DOCK1: variants seen among roughly 807,000 people sequenced by gnomAD.
The protein encoded by DOCK1 is dedicator of cytokinesis protein 1.
In DOCK1, 138 loss-of-function variants were observed where a neutral mutation model predicts 262.7. The ratio of observed to expected loss-of-function variants is 0.53; its 90% confidence interval spans 0.46 to 0.61. DOCK1 has a LOEUF of 0.61. Ranked by LOEUF, DOCK1 falls within the 20% of genes least tolerant of loss-of-function variation. The probability of loss-of-function intolerance (pLI) is 0.00; values close to 1 mark genes in which losing one functional copy is unlikely to be tolerated. For synonymous variants in DOCK1, 866 were observed against 867.4 expected, an observed-to-expected ratio of 1.00 and a Z score of 0.03; for missense variants, 1,908 against 2,370.7, an observed-to-expected ratio of 0.80 and a Z score of 4.05.
chr10:127,408,530 G>A (rs867440870), intron 40 of DOCK1, among the ~76,000 whole-genome samples: 11 of 152,218 alleles, frequency 7.2e-5, no homozygotes, highest in South Asian at 4.1e-4. Context: ...GTCAGCGCCC[G>A]GCGGCCGTGT....
chr10:127,300,737 A>C (rs1386545698), intron 29 of DOCK1, among the ~76,000 whole-genome samples: 1 of 152,116 alleles, frequency 6.6e-6, no homozygotes, highest in Non-Finnish European at 1.5e-5. Flanking sequence ...TGGCCTCCCC[A>C]GCCGTTTTCT....
At chr10:127,342,328 C>T (rs1191152110) in intron 30 of DOCK1, among the ~76,000 whole-genome samples, 1 of 152,020 alleles carries the variant, frequency 6.6e-6, no homozygotes, top group Non-Finnish European at 1.5e-5. Flanking sequence ...TGGCACTCCC[C>T]TTTCTTTATA....
At chr10:127,365,952 T>G (rs74644855) in intron 33 of DOCK1, among the ~76,000 whole-genome samples, 2,268 of 152,352 alleles carry the variant, frequency 0.015, 57 homozygotes, top group African/African-American at 0.052. Context: ...AAAACCAAAT[T>G]GTTTTTGAGT....
chr10:127,091,943 C>T (rs180708606), intron 23 of DOCK1, among the ~76,000 whole-genome samples: 3 of 152,134 alleles, frequency 2.0e-5, no homozygotes, highest in Admixed American at 6.5e-5. Flanking sequence ...ACCTGAGGGC[C>T]GGGATGAATT....
intron 29 of DOCK1, among the ~76,000 whole-genome samples, chr10:127,270,451 C>T (rs1175070442): frequency 2.6e-5 from 4 of 152,154 alleles, no homozygotes; most frequent in Non-Finnish European, 5.9e-5. Context: ...CTATTGATTT[C>T]GTGCTCCACT....
chr10:126,995,234 G>A lies in DOCK1; in HGVS notation c.474-1514G>A, dbSNP rs1198793601. On this transcript the variant is annotated intron_variant, in intron 6 of 51. Coordinates refer to ENST00000623213, the MANE Select transcript of DOCK1 (RefSeq NM_001290223.2). The surrounding 1 kb of genome is among the most constrained non-coding windows in gnomAD (Gnocchi z 5.8). ...CAGACACGCTCCTCACTTCCCAGAC[G>A]GGGTGGCGGCCGGGCAGAGGCTGCA... 1.2e-4 allele frequency among the ~76,000 whole-genome samples: 19 copies of A among 152,112 alleles called. No individual in the cohort carries two copies. The highest frequency in any genetic ancestry group is 2.2e-4 in the Non-Finnish European group (15 of 68,002).
chr10:126,912,223 GT>G (rs1252191411), intron 1 of DOCK1, among the ~76,000 whole-genome samples: 2 of 152,184 alleles, frequency 1.3e-5, no homozygotes, highest in East Asian at 3.9e-4. Flanking sequence ...GAGGTCAGGG[GT>G]TAGAGACCAG....
chr10:127,126,831 C>T (rs1269088704), intron 26 of DOCK1, among the ~76,000 whole-genome samples: 1 of 152,174 alleles, frequency 6.6e-6, no homozygotes, highest in African/African-American at 2.4e-5. Context: ...AGTCACCACG[C>T]CCATATACCT....
chr10:127,061,647 A>G (rs1282423780), intron 22 of DOCK1, 21 bp from the exon 23 acceptor site: 2 of 1,576,270 alleles, frequency 1.3e-6, no homozygotes, highest in East Asian at 4.6e-5. Flanking sequence ...AGGCCCCCAC[A>G]GTTTGTGTGT....
intron 38 of DOCK1, among the ~76,000 whole-genome samples, chr10:127,386,583 T>A (rs1590825026): frequency 6.6e-6 from 1 of 151,856 alleles, no homozygotes; most frequent in Non-Finnish European, 1.5e-5. Context: ...TAATGCCTGA[T>A]GATCTGTCAC....
At chr10:127,040,114 G>A (rs534038098) in intron 19 of DOCK1, among the ~76,000 whole-genome samples, 67 of 152,340 alleles carry the variant, frequency 4.4e-4, no homozygotes, top group African/African-American at 1.5e-3. Flanking sequence ...TGCATGAACC[G>A]TGACAGGCCA....
At chr10:127,137,755 G>C (rs1213225150) in intron 27 of DOCK1, 1 of 1,340,708 alleles carries the variant, frequency 7.5e-7, no homozygotes, top group Non-Finnish European at 1.0e-6. Flanking sequence ...CAGTTCCCTC[G>C]ATCCTATTCA....
intron 10 of DOCK1, among the ~76,000 whole-genome samples, chr10:127,005,679 A>T (rs897377512): frequency 4.6e-5 from 7 of 152,302 alleles, no homozygotes; most frequent in East Asian, 3.9e-4. Flanking sequence ...GTAGTTAAAT[A>T]AATTATCCAT....
Position 126,990,304 on chromosome 10 carries a change from T to C in DOCK1, c.325-151T>C. Reference sequence around the variant, plus strand: ...AAATTCCGTATAATATGTTTTAGTTTATGCTGAAAGCACCTTTTAATTCAA... The same window carrying C: ...AAATTCCGTATAATATGTTTTAGTTCATGCTGAAAGCACCTTTTAATTCAA... On this transcript the variant is annotated intron_variant, in intron 5 of 51. Transcript: ENST00000623213. 2.5e-6 allele frequency: 2 copies of C among 803,594 alleles called. 1 individual carries two copies. Among genetic ancestry groups the C allele is most frequent in the Middle Eastern group, 5.5e-4 (2 of 3,608 alleles). 49.8% of individuals were successfully genotyped at this position (803,594 alleles called of 1,614,324 possible).
At chr10:127,138,276 G>A (rs1051006302) in intron 27 of DOCK1, among the ~76,000 whole-genome samples, 1 of 152,196 alleles carries the variant, frequency 6.6e-6, no homozygotes, top group African/African-American at 2.4e-5. Flanking sequence ...CACAGTTGGT[G>A]TATGTATTTG....
At chr10:127,134,316 G>T (rs2050513392) in intron 27 of DOCK1, among the ~76,000 whole-genome samples, 1 of 152,130 alleles carries the variant, frequency 6.6e-6, no homozygotes, top group African/African-American at 2.4e-5. Flanking sequence ...GGCCATGACT[G>T]TGACACCATT....
At chr10:127,139,871 G>T (rs2051055277) in intron 27 of DOCK1, among the ~76,000 whole-genome samples, 1 of 152,070 alleles carries the variant, frequency 6.6e-6, no homozygotes, top group Non-Finnish European at 1.5e-5. Context: ...AAATATTATT[G>T]TACCATTATT....
In DOCK1 at chr10:127,000,159, C is replaced by T; in HGVS notation, c.850-13C>T. The T allele has an allele frequency of 6.2e-7, 1 of 1,612,918 alleles. No individual in the cohort carries two copies. The highest frequency in any genetic ancestry group is 1.1e-5 in the South Asian group (1 of 90,934). On this transcript the variant is annotated splice_polypyrimidine_tract_variant and intron_variant, in intron 9 of 51. Transcript: ENST00000623213. ...GGGTCTCCAAAATAATTTATGGAAA[C>T]TAATATTTCTAGGACCTCGGAAGCA...
chr10:127,410,301 G>C (rs1376913204), intron 42 of DOCK1, among the ~76,000 whole-genome samples: 1 of 152,186 alleles, frequency 6.6e-6, no homozygotes, highest in Non-Finnish European at 1.5e-5. Context: ...AGATGCAGTA[G>C]TTTCTTTTGC....
Sources: allele counts gnomAD v4.1 joint callset (sites outside exome capture counted in the v4.1 genomes callset), GRCh38; gene constraint gnomAD v4.1.1; non-coding constraint Gnocchi (gnomAD v3.1); transcripts MANE v1.5; gene names NCBI Gene and HGNC (gene_info 2026-07-23, HGNC 2026-07-21).